The following KIZ variants were observed in gnomAD, a reference collection of about 807,000 sequenced individuals.
KIZ encodes the protein kizuna centrosomal protein.
Under a neutral mutation model 79.6 loss-of-function variants are expected in KIZ, and 68 were observed. The ratio of observed to expected loss-of-function variants is 0.85; its 90% CI spans 0.70 to 1.05. The LOEUF is 1.05. Among genes scored for constraint, KIZ ranks in the 50% least tolerant of loss-of-function variants. The probability of loss-of-function intolerance (pLI) is 0.00; values close to 1 mark genes in which losing one functional copy is unlikely to be tolerated. For synonymous variants in KIZ, 280 were observed against 281.8 expected (o/e 0.99, Z 0.06); for missense variants, 797 against 800.4 (o/e 1.00, Z 0.05).
chr20:21,144,110 A>G (rs2032722042), intron 3 of KIZ: 1 of 152,184 alleles, frequency 6.6e-6, no homozygotes, highest in Non-Finnish European at 1.5e-5. Context: ...GACTTTATGC[A>G]GTTATCACTT....
At chr20:21,205,818 G>A (rs2035805617) in intron 7 of KIZ, among the ~76,000 whole-genome samples, 1 of 151,996 alleles carries the variant, frequency 6.6e-6, no homozygotes. Context: ...AAAATTAGCT[G>A]GATGTGGTGG....
chr20:21,244,314 TTTTC>T, intron 12 of KIZ, 26 bp downstream of exon 12: 1 of 1,542,336 alleles, frequency 6.5e-7, no homozygotes, highest in Non-Finnish European at 8.9e-7. Flanking sequence ...GGACACTAGA[TTTTC>T]TTTTTCTGTT....
intron 9 of KIZ, among the ~76,000 whole-genome samples, chr20:21,220,772 G>A (rs1600581875): frequency 1.3e-5 from 2 of 152,194 alleles, no homozygotes; most frequent in South Asian, 2.1e-4. Context: ...GAGCCGCCAC[G>A]CCCGGCCTAC....
intron 6 of KIZ, among the ~76,000 whole-genome samples, chr20:21,172,336 G>A (rs1324739479): frequency 6.6e-6 from 1 of 152,184 alleles, no homozygotes; most frequent in East Asian, 1.9e-4. Context: ...CAGGCACGGT[G>A]ACTAACGTGT....
intron 1 of KIZ, among the ~76,000 whole-genome samples, chr20:21,129,472 C>T (rs1370845479): frequency 6.6e-6 from 1 of 152,150 alleles, no homozygotes; most frequent in Non-Finnish European, 1.5e-5. Flanking sequence ...TGGTGGCTCA[C>T]ACCTATAATC....
chr20:21,126,189 A>T lies in KIZ; in HGVS notation c.74A>T (p.His25Leu). ...DYYERLGQLQ[H>L]GLRDSEKKRL... ...TACGAGAGGCTGGGCCAACTCCAGCACGGGCTGCGGGACAGGTAAGGGCAC... is the reference window on the plus strand; with the variant it reads ...TACGAGAGGCTGGGCCAACTCCAGCTCGGGCTGCGGGACAGGTAAGGGCAC... The change falls in exon 1 of 13, where the codon CAC (histidine) becomes CTC (leucine). Residue 25 changes from histidine (H) to leucine (L), a missense_variant. By Grantham distance (99) the His-to-Leu change is moderately conservative. Transcript: ENST00000619189. 1.3e-6 allele frequency: 2 copies of T among 1,487,602 alleles called. No homozygotes were observed. The highest frequency in any genetic ancestry group is 5.8e-5 in the East Asian group (2 of 34,362). The allele number at this position is 1,487,602 out of a possible 1,614,324, so 92.2% of individuals were successfully genotyped here.
intron 3 of KIZ, chr20:21,138,962 C>T (rs1366696800): frequency 1.5e-4 from 18 of 123,042 alleles, no homozygotes; most frequent in African/African-American, 5.5e-4. Flanking sequence ...AAGCCTACAA[C>T]AGCACCTGGT....
At chr20:21,129,332 A>G (rs901036382) in intron 1 of KIZ, among the ~76,000 whole-genome samples, 2 of 152,214 alleles carry the variant, frequency 1.3e-5, no homozygotes, top group African/African-American at 4.8e-5. Context: ...GATGTTTTAC[A>G]AATAAATTTT....
intron 2 of KIZ, among the ~76,000 whole-genome samples, chr20:21,135,822 C>T (rs2032154996): frequency 6.6e-6 from 1 of 151,958 alleles, no homozygotes; most frequent in African/African-American, 2.4e-5. Context: ...GTTTTTTTCA[C>T]AGTTGGAGTA....
intron 9 of KIZ, among the ~76,000 whole-genome samples, chr20:21,224,276 G>A (rs1568992902): frequency 6.6e-6 from 1 of 152,258 alleles, no homozygotes; most frequent in East Asian, 1.9e-4. Flanking sequence ...ACCCCGCCCG[G>A]CCCTTATTTT....
At chr20:21,166,094 G>A in intron 6 of KIZ, 1 of 658,944 alleles carries the variant, frequency 1.5e-6, no homozygotes, top group Non-Finnish European at 2.6e-6. Flanking sequence ...AGCCTCCTGA[G>A]TAGCTGGGAT....
At chr20:21,209,067 T>C (rs1470576379) in intron 7 of KIZ, among the ~76,000 whole-genome samples, 3 of 152,208 alleles carry the variant, frequency 2.0e-5, no homozygotes, top group Non-Finnish European at 2.9e-5. Flanking sequence ...AATATTTACT[T>C]TGATCTCTTG....
intron 6 of KIZ, among the ~76,000 whole-genome samples, chr20:21,167,440 C>T (rs190418325): frequency 6.6e-6 from 1 of 152,248 alleles, no homozygotes; most frequent in East Asian, 1.9e-4. Flanking sequence ...AGTGCATTTT[C>T]ACACTCAGGT....
intron 6 of KIZ, chr20:21,202,454 A>G (rs1432099517): frequency 5.3e-5 from 8 of 152,228 alleles, no homozygotes; most frequent in Non-Finnish European, 1.0e-4. Flanking sequence ...TACGGTGGCA[A>G]CCAAGAAAGG....
At chr20:21,131,942 A>G (rs2031873811) in intron 1 of KIZ, 155 bp from the exon 2 acceptor site, 1 of 535,852 alleles carries the variant, frequency 1.9e-6, no homozygotes, top group Admixed American at 4.0e-5. Flanking sequence ...TAGACCAGAG[A>G]AGCATTTTCA....
chr20:21,127,773 C>A (rs771324571), intron 1 of KIZ, among the ~76,000 whole-genome samples: 24 of 152,174 alleles, frequency 1.6e-4, no homozygotes, highest in Non-Finnish European at 2.9e-4. Flanking sequence ...AGTCCACGAA[C>A]AATTGTGTGA....
intron 6 of KIZ, among the ~76,000 whole-genome samples, chr20:21,170,425 G>GT (rs2034151778): frequency 7.2e-6 from 1 of 138,816 alleles, no homozygotes; most frequent in Non-Finnish European, 1.5e-5. Context: ...GTCTCTCTCT[G>GT]TCGCCCAGGC....
chr20:21,159,570 C>T (rs2033558122), intron 4 of KIZ, among the ~76,000 whole-genome samples: 1 of 151,984 alleles, frequency 6.6e-6, no homozygotes, highest in African/African-American at 2.4e-5. Flanking sequence ...CTTCCTGTCT[C>T]TAAAAATTTG....
intron 4 of KIZ, among the ~76,000 whole-genome samples, chr20:21,153,582 A>G (rs957599545): frequency 2.6e-5 from 4 of 152,198 alleles, no homozygotes; most frequent in South Asian, 2.1e-4. Context: ...AAAAATCACA[A>G]TGGCATACTG....
Sources: gnomAD v4.1 joint callset for allele counts (sites outside exome capture counted in the v4.1 genomes callset) on GRCh38, gnomAD v4.1.1 for gene constraint, MANE v1.5 for transcripts, NCBI Gene and HGNC (gene_info 2026-07-23, HGNC 2026-07-21) for gene names.